Variants in WIPF3 observed in about 807,000 individuals in gnomAD.
WIPF3 encodes the protein WAS/WASL interacting protein family member 3.
Under a neutral mutation model 38.9 loss-of-function variants are expected in WIPF3, and 33 were observed. That is an observed-to-expected ratio of 0.85 (90% CI 0.64 to 1.14). The LOEUF is 1.14. Among genes scored for constraint, WIPF3 ranks in the 50% most tolerant of loss-of-function variants. The pLI is 0.00. For missense variants in WIPF3, 711 were observed against 652.5 expected, an observed-to-expected ratio of 1.09 and a Z score of -0.98; for synonymous variants, 324 against 269.3, an observed-to-expected ratio of 1.20 and a Z score of -1.99.
intron 6 of WIPF3, among the ~76,000 whole-genome samples, chr7:29,888,489 G>GTGCA (rs1489656550): frequency 4.1e-4 from 54 of 130,540 alleles, no homozygotes; most frequent in African/African-American, 1.6e-3. Flanking sequence ...GTGTGAGTGT[G>GTGCA]TGTGCGTGTG....
intron 4 of WIPF3, among the ~76,000 whole-genome samples, chr7:29,881,177 A>G (rs1386382991): frequency 6.6e-6 from 1 of 152,176 alleles, no homozygotes; most frequent in Non-Finnish European, 1.5e-5. Flanking sequence ...GTTTAGTCCT[A>G]TCCTTTCATT....
At chr7:29,840,942 G>A (rs532634321) in intron 2 of WIPF3, among the ~76,000 whole-genome samples, 3 of 152,142 alleles carry the variant, frequency 2.0e-5, no homozygotes, top group African/African-American at 4.8e-5. Context: ...GCACCTGATC[G>A]GATATCAAGG....
chr7:29,810,948 G>C (rs957539100), intron 1 of WIPF3, among the ~76,000 whole-genome samples: 2 of 152,070 alleles, frequency 1.3e-5, no homozygotes, highest in African/African-American at 4.8e-5. Context: ...GAGTGCAGTG[G>C]TTTGATCACA....
chr7:29,841,620 G>C (rs538423147), intron 2 of WIPF3, among the ~76,000 whole-genome samples: 3 of 152,238 alleles, frequency 2.0e-5, no homozygotes, highest in African/African-American at 7.2e-5. Flanking sequence ...AGACCAGCCT[G>C]GCCAACATGG....
intron 7 of WIPF3, among the ~76,000 whole-genome samples, chr7:29,903,789 G>C (rs558058195): frequency 5.9e-5 from 9 of 152,170 alleles, no homozygotes; most frequent in Non-Finnish European, 8.8e-5. Flanking sequence ...AACAAGAAGA[G>C]AAGAGGAACT....
At chr7:29,865,224 T>G (rs1785365135) in intron 2 of WIPF3, among the ~76,000 whole-genome samples, 1 of 152,144 alleles carries the variant, frequency 6.6e-6, no homozygotes, top group Non-Finnish European at 1.5e-5. Context: ...TCTGGAGCCC[T>G]CATTTTTAAC....
chr7:29,906,151 A>G (rs1304741703), intron 8 of WIPF3: 3 of 152,184 alleles, frequency 2.0e-5, no homozygotes, highest in African/African-American at 4.8e-5. Context: ...CATCATACAA[A>G]GAAACAGGAG....
At chr7:29,903,735 T>C (rs1786334467) in intron 7 of WIPF3, among the ~76,000 whole-genome samples, 1 of 152,174 alleles carries the variant, frequency 6.6e-6, no homozygotes, top group Admixed American at 6.5e-5. Flanking sequence ...CATCAAACTT[T>C]TAGCCATGGT....
chr7:29,887,058 A>G (rs969277943), intron 5 of WIPF3, among the ~76,000 whole-genome samples: 6 of 152,248 alleles, frequency 3.9e-5, no homozygotes, highest in African/African-American at 1.2e-4. Flanking sequence ...CTGAAGGGAC[A>G]TGAGACACGA....
intron 1 of WIPF3, among the ~76,000 whole-genome samples, chr7:29,832,758 G>A (rs1784741393): frequency 2.0e-5 from 3 of 152,074 alleles, no homozygotes; most frequent in Admixed American, 1.3e-4. Flanking sequence ...TTCAATTTTT[G>A]TACAAATTTA....
intron 7 of WIPF3, among the ~76,000 whole-genome samples, chr7:29,903,076 C>T (rs769442643): frequency 3.3e-5 from 5 of 151,960 alleles, no homozygotes; most frequent in South Asian, 2.1e-4. Flanking sequence ...GAGGATCACT[C>T]GAGTCTGGGA....
intron 2 of WIPF3, among the ~76,000 whole-genome samples, chr7:29,860,593 T>A (rs1785258425): frequency 6.6e-6 from 1 of 152,196 alleles, no homozygotes; most frequent in Non-Finnish European, 1.5e-5. Flanking sequence ...CTTTTCTTCA[T>A]AAATTACCCA....
At chr7:29,822,071 G>A (rs1212765024) in intron 1 of WIPF3, among the ~76,000 whole-genome samples, 6 of 104,298 alleles carry the variant, frequency 5.8e-5, no homozygotes, top group East Asian at 5.5e-4. Context: ...TCTAATAAAT[G>A]TTCTTTACTT....
intron 2 of WIPF3, among the ~76,000 whole-genome samples, chr7:29,861,704 G>A (rs554764860): frequency 1.3e-4 from 20 of 152,282 alleles, no homozygotes; most frequent in Non-Finnish European, 1.2e-4. Flanking sequence ...AAACAAGTAC[G>A]GATTGAATGG....
chr7:29,841,116 CCTTTGT>C (rs1784905673), intron 2 of WIPF3, among the ~76,000 whole-genome samples: 1 of 152,098 alleles, frequency 6.6e-6, no homozygotes, highest in African/African-American at 2.4e-5. Flanking sequence ...AAGCAGAGAG[CCTTTGT>C]CAGTGGCATA....
chr7:29,866,414 C>T (rs990259405), intron 2 of WIPF3, among the ~76,000 whole-genome samples: 1 of 152,232 alleles, frequency 6.6e-6, no homozygotes, highest in Non-Finnish European at 1.5e-5. Context: ...AGGCCCAACA[C>T]TCACAAGAGA....
At chr7:29,836,034 G>T (rs28489747) in intron 2 of WIPF3, among the ~76,000 whole-genome samples, 3,851 of 152,330 alleles carry the variant, frequency 0.025, 186 homozygotes, top group African/African-American at 0.089. Context: ...CCCTATCTGA[G>T]GTGCCAAGGG....
intron 2 of WIPF3, among the ~76,000 whole-genome samples, chr7:29,835,473 T>C (rs545756035): frequency 6.6e-6 from 1 of 152,234 alleles, no homozygotes; most frequent in South Asian, 2.1e-4. Context: ...GGCTGTCCTA[T>C]GCATTGTAGG....
intron 1 of WIPF3, among the ~76,000 whole-genome samples, chr7:29,830,288 A>C (rs946235743): frequency 6.6e-6 from 1 of 151,944 alleles, no homozygotes; most frequent in African/African-American, 2.4e-5. Flanking sequence ...GGGCAAGCAG[A>C]AGAATTACAG....
Sources: allele counts gnomAD v4.1 joint callset (sites outside exome capture counted in the v4.1 genomes callset), GRCh38; gene constraint gnomAD v4.1.1; transcripts MANE v1.5; gene names NCBI Gene and HGNC (gene_info 2026-07-23, HGNC 2026-07-21).